The following TET1 variants were observed in gnomAD, a reference collection of about 807,000 sequenced individuals.
TET1 encodes methylcytosine dioxygenase TET1.
In TET1, 13 loss-of-function variants were observed where a neutral mutation model predicts 148.7. That is an observed-to-expected ratio of 0.09 (90% CI 0.06 to 0.14). The LOEUF (loss-of-function observed/expected upper bound fraction) is 0.14, where lower values mean the gene tolerates loss of function less well. Ranked by LOEUF, TET1 falls within the 10% of genes least tolerant of loss-of-function variation. TET1 has a pLI of 1.00. For missense variants in TET1, 2,182 were observed against 2,553.8 expected (o/e 0.85, Z 3.14); for synonymous variants, 907 against 937.2 (o/e 0.97, Z 0.59).
At position 68,691,171 on chromosome 10, in the gene TET1, A is replaced by C. The variant is rs1248884475; in HGVS notation, c.5768A>C (p.Asn1923Thr). The C allele has an allele frequency of 3.7e-6, 6 of 1,614,162 alleles. No individual in the cohort carries two copies. Among genetic ancestry groups the C allele is most frequent in the Non-Finnish European group, 5.1e-6 (6 of 1,180,020 alleles). ...LSAPVMEPLINSEPSTGVTEP... is the reference protein window; with the variant it reads ...LSAPVMEPLITSEPSTGVTEP... ...GCTCCTGTGATGGAGCCCCTCATTA[A>C]TTCTGAGCCTTCCACTGGTGTGACT... The change falls in exon 12 of 12, where the codon AAT (asparagine) becomes ACT (threonine). Residue 1923 changes from asparagine (N) to threonine (T), a missense_variant. By Grantham distance (65) the Asn-to-Thr change is moderately conservative. Coordinates refer to ENST00000373644, the MANE Select transcript of TET1 (RefSeq NM_030625.3). The surrounding 1 kb of genome is among the most constrained non-coding windows in gnomAD (Gnocchi z 4.4).
intron 6 of TET1, 75 bp from the exon 7 acceptor site, chr10:68,666,970 C>T: frequency 8.2e-7 from 1 of 1,214,114 alleles, no homozygotes; most frequent in Non-Finnish European, 1.2e-6. Flanking sequence ...TCATGGAGAA[C>T]ATCAAAAGGA....
intron 2 of TET1, among the ~76,000 whole-genome samples, chr10:68,587,944 C>T (rs182693536): frequency 2.0e-5 from 3 of 152,026 alleles, no homozygotes; most frequent in Non-Finnish European, 4.4e-5. Flanking sequence ...AGTGGCGCAA[C>T]CTCTGCCTCC....
At chr10:68,634,405 G>C (rs1321069058) in intron 3 of TET1, among the ~76,000 whole-genome samples, 1 of 152,158 alleles carries the variant, frequency 6.6e-6, no homozygotes, top group Non-Finnish European at 1.5e-5. Context: ...TACAATCTAA[G>C]AAAGTAAACT....
chr10:68,667,012 T>C (rs1442135879), intron 6 of TET1, 33 bp from the exon 7 acceptor site: 1 of 1,588,154 alleles, frequency 6.3e-7, no homozygotes. Flanking sequence ...GGCATACTTG[T>C]CTTCCATAGA....
chr10:68,566,934 C>T (rs1390427179), intron 1 of TET1, among the ~76,000 whole-genome samples: 3 of 149,640 alleles, frequency 2.0e-5, no homozygotes, highest in Non-Finnish European at 4.4e-5. Context: ...CATATTATTT[C>T]GTTTTATTCT....
chr10:68,594,656 A>G (rs2053957403), intron 2 of TET1, among the ~76,000 whole-genome samples: 1 of 152,128 alleles, frequency 6.6e-6, no homozygotes, highest in African/African-American at 2.4e-5. Flanking sequence ...TATGTGTCAC[A>G]GGAAATAAAA....
chr10:68,597,030 A>ATTTTTTTTTTTTTTTT (rs553591899), intron 2 of TET1, among the ~76,000 whole-genome samples: 2,237 of 98,592 alleles, frequency 0.023, 201 homozygotes, highest in Non-Finnish European at 0.028. Context: ...CAGCTAATGG[A>ATTTTTTTTTTTTTTTT]TTTTTTTTTT....
chr10:68,607,675 C>T (rs2054144826), intron 3 of TET1, among the ~76,000 whole-genome samples: 1 of 151,658 alleles, frequency 6.6e-6, no homozygotes, highest in South Asian at 2.1e-4. Flanking sequence ...CCATTCTCCT[C>T]AGGCTCCCAA....
At chr10:68,601,536 CATA>C (rs2054055775) in intron 3 of TET1, among the ~76,000 whole-genome samples, 1 of 152,204 alleles carries the variant, frequency 6.6e-6, no homozygotes, top group South Asian at 2.1e-4. Context: ...CTCAAATTCT[CATA>C]ATATCATCTT....
chr10:68,608,222 C>T (rs2054153850), intron 3 of TET1, among the ~76,000 whole-genome samples: 1 of 151,608 alleles, frequency 6.6e-6, no homozygotes, highest in African/African-American at 2.4e-5. Context: ...GCCACCGTGC[C>T]CAGCCGACAA....
At chr10:68,639,436 CTAT>C (rs1249135357) in intron 3 of TET1, among the ~76,000 whole-genome samples, 1 of 130,948 alleles carries the variant, frequency 7.6e-6, no homozygotes, top group South Asian at 2.6e-4. Flanking sequence ...ATTACTATTA[CTAT>C]TATTATTACT....
Position 68,673,932 on chromosome 10 carries a change from T to C in TET1, c.4824+887T>C, listed in dbSNP as rs1412483858. 3.2e-3 allele frequency among the ~76,000 whole-genome samples: 325 copies of C among 101,988 alleles called. 1 individual carries two copies. The highest frequency in any genetic ancestry group is 0.016 in the African/African-American group (304 of 19,426). 66.9% of individuals were successfully genotyped at this position (101,988 alleles called of 152,430 possible). A position where few individuals can be genotyped will look rare whatever the true frequency, so the allele number is the denominator to read the frequency against. On this transcript the variant is annotated intron_variant, in intron 8 of 11. Transcript: ENST00000373644. Reference sequence around the variant, plus strand: ...CATTTTTTTATCAGATTTCTTTCTTTTTCTTTTTTTTTTTTCTTTTTCTTT... The same window carrying C: ...CATTTTTTTATCAGATTTCTTTCTTCTTCTTTTTTTTTTTTCTTTTTCTTT...
At chr10:68,574,351 T>G in intron 2 of TET1, 99 bp downstream of exon 2, 1 of 940,076 alleles carries the variant, frequency 1.1e-6, no homozygotes, top group Non-Finnish European at 1.6e-6. Context: ...TATGTAATAG[T>G]GAATTGCTTC....
chr10:68,590,581 C>T (rs971128729), intron 2 of TET1, among the ~76,000 whole-genome samples: 2 of 151,938 alleles, frequency 1.3e-5, no homozygotes, highest in Non-Finnish European at 2.9e-5. Flanking sequence ...GATCCCAGCA[C>T]TTTGAGAGGC....
chr10:68,654,880 A>G (rs1394170247), intron 6 of TET1, among the ~76,000 whole-genome samples: 4 of 152,348 alleles, frequency 2.6e-5, no homozygotes, highest in South Asian at 2.1e-4. Flanking sequence ...GTGCAGCTGG[A>G]AGACCCACTT....
chr10:68,668,252 T>C (rs1471115260), intron 7 of TET1, among the ~76,000 whole-genome samples: 2 of 152,240 alleles, frequency 1.3e-5, no homozygotes, highest in Non-Finnish European at 2.9e-5. Flanking sequence ...ACAAAAGGTT[T>C]TGTTTTTGAT....
chr10:68,653,553 A>G (rs2054971483), intron 6 of TET1, among the ~76,000 whole-genome samples: 1 of 152,220 alleles, frequency 6.6e-6, no homozygotes, highest in East Asian at 1.9e-4. Flanking sequence ...GAATTTACAT[A>G]TATTTCATGT....
intron 2 of TET1, among the ~76,000 whole-genome samples, chr10:68,600,239 T>G (rs2054036411): frequency 6.6e-6 from 1 of 152,140 alleles, no homozygotes; most frequent in Non-Finnish European, 1.5e-5. Flanking sequence ...CTCCTGTACA[T>G]TGGAGGCAGA....
intron 3 of TET1, among the ~76,000 whole-genome samples, chr10:68,640,807 T>A (rs998012050): frequency 2.0e-5 from 3 of 151,658 alleles, no homozygotes; most frequent in Non-Finnish European, 4.4e-5. Context: ...CGCCTTGGCC[T>A]CCCAAAGTGC....
Sources: gnomAD v4.1 joint callset for allele counts (sites outside exome capture counted in the v4.1 genomes callset) on GRCh38, gnomAD v4.1.1 for gene constraint, Gnocchi (gnomAD v3.1) non-coding constraint, MANE v1.5 for transcripts, NCBI Gene and HGNC (gene_info 2026-07-23, HGNC 2026-07-21) for gene names.